ALG13: variants seen among roughly 807,000 people sequenced by gnomAD.
The protein encoded by ALG13 is UDP-N-acetylglucosamine transferase subunit ALG13.
In ALG13, 11 loss-of-function variants were observed where a neutral mutation model predicts 87.8. The observed-to-expected ratio is 0.13, with a 90% CI of 0.08 to 0.21. The LOEUF is 0.21. Among genes scored for constraint, ALG13 ranks in the 10% least tolerant of loss-of-function variants. ALG13 has a pLI of 1.00. For synonymous variants in ALG13, 320 were observed against 306.3 expected (o/e 1.04, Z -0.47); for missense variants, 756 against 866.1 (o/e 0.87, Z 1.60).
intron 2 of ALG13, among the ~76,000 whole-genome samples, chrX:111,683,826 C>T (rs1320776164): frequency 4.5e-5 from 5 of 111,962 alleles, no homozygotes; most frequent in Non-Finnish European, 7.5e-5. Context: ...TGGGATAGCA[C>T]CTCACATGTA....
intron 25 of ALG13, among the ~76,000 whole-genome samples, chrX:111,756,441 G>A (rs1027627679): frequency 1.8e-5 from 2 of 111,647 alleles, no homozygotes; most frequent in African/African-American, 6.5e-5. Context: ...CATTTTTAAA[G>A]CACTCATGTG....
At chrX:111,742,838 A>G (rs963630449) in intron 23 of ALG13, among the ~76,000 whole-genome samples, 2 of 112,475 alleles carry the variant, frequency 1.8e-5, no homozygotes, top group African/African-American at 6.5e-5. Flanking sequence ...GGATGGGGGA[A>G]ATCAGCATTC....
In ALG13 at chrX:111,728,176, C is replaced by T; in HGVS notation, c.2248-9C>T. On this transcript the variant is annotated splice_polypyrimidine_tract_variant and intron_variant, in intron 18 of 26. Coordinates refer to ENST00000394780, the MANE Select transcript of ALG13 (RefSeq NM_001099922.3). ...AGAACTGCAGTGTGTGTGTGTCTCT[C>T]TGATACAGAATCATGGAGGTCCCTC... 1 of 1,210,838 alleles carries T rather than the reference C, an allele frequency of 8.3e-7. No homozygotes were observed.
rs1234893658 is a variant in ALG13, at chrX:111,727,067, A to C, written c.1976+12A>C. 1 of 1,210,068 alleles carries C rather than the reference A, an allele frequency of 8.3e-7. No individual in the cohort carries two copies. The highest frequency in any genetic ancestry group is 1.1e-6 in the Non-Finnish European group (1 of 894,207). The stretch of plus-strand genomic sequence containing the variant: ...TATGGGATGCCCAGGTAAGACATTG[A>C]CAGATTTGTATTTTCATGGTCTAGG... On this transcript the variant is annotated intron_variant, in intron 16 of 26. Coordinates refer to ENST00000394780, the MANE Select transcript of ALG13 (RefSeq NM_001099922.3).
intron 3 of ALG13, among the ~76,000 whole-genome samples, chrX:111,691,763 C>T (rs1936193515): frequency 8.9e-6 from 1 of 111,958 alleles, no homozygotes; most frequent in Non-Finnish European, 1.9e-5. Context: ...AGGTGTATAA[C>T]CTTTTTGAAT....
At chrX:111,695,006 T>C (rs16986600) in intron 3 of ALG13, among the ~76,000 whole-genome samples, 1,284 of 112,444 alleles carry the variant, frequency 0.011, 10 homozygotes, top group African/African-American at 0.031. Flanking sequence ...ATTTTTAGAA[T>C]TCACAGAATA....
intron 3 of ALG13, chrX:111,688,139 A>G (rs887049356): frequency 7.5e-5 from 64 of 854,766 alleles, no homozygotes; most frequent in Admixed American, 1.3e-4. Flanking sequence ...TGTATAGGAA[A>G]TTTTATGTTG....
intron 24 of ALG13, among the ~76,000 whole-genome samples, chrX:111,750,996 A>G (rs1944685284): frequency 9.3e-6 from 1 of 107,264 alleles, no homozygotes; most frequent in Admixed American, 1.0e-4. Context: ...AAATTAAGGT[A>G]TGTACATTGT....
At chrX:111,722,404 G>A (rs190039700) in intron 12 of ALG13, among the ~76,000 whole-genome samples, 226 of 111,706 alleles carry the variant, frequency 2.0e-3, no homozygotes, top group Middle Eastern at 4.6e-3. Flanking sequence ...TTGAACCCTG[G>A]TAAACCTAGC....
chrX:111,758,969 A>G (rs1444262449), intron 26 of ALG13, among the ~76,000 whole-genome samples: 2 of 110,729 alleles, frequency 1.8e-5, no homozygotes, highest in South Asian at 3.8e-4. Context: ...TACCTGGTGC[A>G]TATTAGGAAT....
chrX:111,719,113 G>A (rs1386675619), intron 10 of ALG13, among the ~76,000 whole-genome samples: 1 of 99,872 alleles, frequency 1.0e-5, no homozygotes, highest in Non-Finnish European at 2.0e-5. Context: ...TGCAACCTCC[G>A]CCTCCCAGGT....
chrX:111,720,324 C>T (rs1941244451), intron 11 of ALG13, among the ~76,000 whole-genome samples, 154 bp downstream of exon 11: 1 of 112,302 alleles, frequency 8.9e-6, no homozygotes, highest in South Asian at 3.6e-4. Context: ...CTTTAAACTT[C>T]AAATGCATAC....
intron 3 of ALG13, among the ~76,000 whole-genome samples, chrX:111,704,223 A>C (rs1367711028): frequency 9.0e-6 from 1 of 111,664 alleles, no homozygotes; most frequent in Non-Finnish European, 1.9e-5. Flanking sequence ...GTTGATAAGA[A>C]TCTAGAGAAA....
chrX:111,744,562 A>G, intron 23 of ALG13, 106 bp from the exon 24 acceptor site: 1 of 905,983 alleles, frequency 1.1e-6, no homozygotes, highest in Non-Finnish European at 1.5e-6. Flanking sequence ...AACCTTAAGA[A>G]TTAAGAGTTC....
intron 8 of ALG13, among the ~76,000 whole-genome samples, chrX:111,716,325 T>G (rs1178550064): frequency 8.9e-6 from 1 of 112,257 alleles, no homozygotes; most frequent in African/African-American, 3.2e-5. Context: ...TGCCTTGTTT[T>G]GCCTCTTCCA....
At chrX:111,740,835 C>G (rs774768231) in intron 23 of ALG13, among the ~76,000 whole-genome samples, 16 of 112,103 alleles carry the variant, frequency 1.4e-4, no homozygotes, top group Non-Finnish European at 2.4e-4. Flanking sequence ...GATAGGAAAT[C>G]AATTAATTTT....
intron 15 of ALG13, 126 bp downstream of exon 15, chrX:111,725,187 C>A: frequency 1.2e-6 from 1 of 816,082 alleles, no homozygotes; most frequent in Non-Finnish European, 1.7e-6. Flanking sequence ...TCAACTTTAG[C>A]ATTACTGATA....
chrX:111,722,958 AT>A, intron 13 of ALG13, 101 bp downstream of exon 13: 1 of 585,905 alleles, frequency 1.7e-6, no homozygotes, highest in Non-Finnish European at 2.7e-6. Context: ...GAAACTTTTT[AT>A]TTATATTTTT....
chrX:111,726,969 A>C lies in ALG13; in HGVS notation c.1890A>C (p.Ser630=), dbSNP rs768418310. The C allele has an allele frequency of 8.3e-7, 1 of 1,211,688 alleles. No homozygotes were observed. The highest frequency in any genetic ancestry group is 1.1e-6 in the Non-Finnish European group (1 of 895,326). Residue 630 remains serine (S), a synonymous_variant, in exon 16 of 27, where the codon TCA becomes TCC. Coordinates refer to ENST00000394780, the MANE Select transcript of ALG13 (RefSeq NM_001099922.3). ...HYGHDPPMHY[S]QTAGNVMSNE... ...GGCACGATCCTCCAATGCACTACTC[A>C]CAGACAGCTGGCAATGTTATGTCTA...
Sources: allele counts gnomAD v4.1 joint callset (sites outside exome capture counted in the v4.1 genomes callset), GRCh38; gene constraint gnomAD v4.1.1; transcripts MANE v1.5; gene names NCBI Gene and HGNC (gene_info 2026-07-23, HGNC 2026-07-21).